ZNF366: variants seen among roughly 807,000 people sequenced by gnomAD.
The protein encoded by ZNF366 is zinc finger protein 366, also known as dendritic cell-specific transcript protein.
A neutral mutation model predicts 47.2 loss-of-function variants in ZNF366; 20 were observed. The observed-to-expected ratio is 0.42, with a 90% CI of 0.30 to 0.62. The LOEUF (loss-of-function observed/expected upper bound fraction) is 0.62, where lower values mean the gene tolerates loss of function less well. Ranked by LOEUF, ZNF366 falls within the 20% of genes least tolerant of loss-of-function variation. ZNF366 has a pLI of 0.16. For synonymous variants in ZNF366, 421 were observed against 395.1 expected, an observed-to-expected ratio of 1.07 and a Z score of -0.78; for missense variants, 987 against 976.3, an observed-to-expected ratio of 1.01 and a Z score of -0.15.
chr5:72,460,127 C>T (rs1743269291), intron 2 of ZNF366, 38 bp downstream of exon 2: 3 of 1,596,516 alleles, frequency 1.9e-6, no homozygotes, highest in Non-Finnish European at 1.7e-6. Context: ...GCTCCTCTTC[C>T]CAAGGCCCCG....
At position 72,440,470 on chromosome 5, in the gene ZNF366, G is replaced by A. The variant is rs1180521702; in HGVS notation, c.*3286C>T. 1 of 152,220 alleles carries A rather than the reference G, an allele frequency of 6.6e-6. No homozygotes were observed. The highest frequency in any genetic ancestry group is 2.4e-5 in the African/African-American group (1 of 41,454). 9.4% of individuals were successfully genotyped at this position (152,220 alleles called of 1,614,324 possible). ...GTGGTCAAAAGGCTGGAAAGCATTT[G>A]GTAGTGACCTATTTTCAGAGTCTCA... On this transcript the variant is annotated 3_prime_UTR_variant, in exon 5 of 5. Transcript: ENST00000318442.
intron 3 of ZNF366, among the ~76,000 whole-genome samples, chr5:72,455,589 G>C (rs1435479987): frequency 6.6e-6 from 1 of 152,194 alleles, no homozygotes; most frequent in Non-Finnish European, 1.5e-5. Flanking sequence ...AGTAGAGAGA[G>C]GAAACACTCT....
At chr5:72,449,664 A>G (rs997884460) in intron 3 of ZNF366, among the ~76,000 whole-genome samples, 34 of 152,212 alleles carry the variant, frequency 2.2e-4, no homozygotes, top group African/African-American at 8.0e-4. Flanking sequence ...TGCTGTTACA[A>G]TTGCTGAGTA....
chr5:72,452,103 C>A (rs1743084842), intron 3 of ZNF366, among the ~76,000 whole-genome samples: 1 of 152,248 alleles, frequency 6.6e-6, no homozygotes, highest in African/African-American at 2.4e-5. Context: ...AAATGAGATG[C>A]ACCAGGAAGC....
At chr5:72,476,935 T>A (rs779946718) in intron 1 of ZNF366, among the ~76,000 whole-genome samples, 4 of 145,740 alleles carry the variant, frequency 2.7e-5, no homozygotes, top group African/African-American at 5.2e-5. Flanking sequence ...GGCTGTGGGA[T>A]TTTTTTTTTT....
Position 72,461,386 on chromosome 5 carries a change from C to G in ZNF366, c.111G>C (p.Lys37Asn). 3 of 1,613,814 alleles carry G rather than the reference C, an allele frequency of 1.9e-6. No homozygotes were observed. The highest frequency in any genetic ancestry group is 2.5e-6 in the Non-Finnish European group (3 of 1,179,842). The change falls in exon 2 of 5, where the codon AAG becomes AAC. Residue 37 changes from lysine (K) to asparagine (N), a missense_variant. Lys to Asn is a moderately conservative substitution (Grantham distance 94). Transcript: ENST00000318442. ...HCLQPVASRG[K>N]APQRHPFPEA... ...CCGGGAAGGGGTGTCTTTGGGGAGC[C>G]TTTCCCCGAGAAGCCACTGGCTGCA...
rs757770963 is a variant in ZNF366 at position 72,460,406 on chromosome 5, T to G, written c.1091A>C (p.Glu364Ala). The G allele has an allele frequency of 6.2e-7, 1 of 1,614,242 alleles. No individual in the cohort carries two copies. The change falls in exon 2 of 5, where the codon GAG becomes GCG. Residue 364 changes from glutamate to alanine, a missense_variant. This residue lies in a region of ZNF366 where 591 missense variants were observed against 560.9 expected (regional missense o/e 1.05). Transcript: ENST00000318442. Reference protein sequence around the residue: ...AHEAKHASGRENICVECGLDF... With the variant: ...AHEAKHASGRANICVECGLDF... ...GAGGCCGCACTCCACACAGATGTTC[T>G]CGCGCCCACTGGCGTGCTTGGCTTC... is the stretch of plus-strand genomic sequence containing the variant.
intron 1 of ZNF366, among the ~76,000 whole-genome samples, chr5:72,481,885 A>G: frequency 6.6e-6 from 1 of 152,218 alleles, no homozygotes; most frequent in East Asian, 1.9e-4. Flanking sequence ...AGAATTAATT[A>G]TAGAATGTTT....
chr5:72,443,573 T>A lies in ZNF366; in HGVS notation c.*183A>T, dbSNP rs531371029. ...GAAGACCCTGCACATGTGTGAAGGG[T>A]ATCAAGGGCCCCGTGAATGACCTGA... is the stretch of plus-strand genomic sequence containing the variant. On this transcript the variant is annotated 3_prime_UTR_variant, in exon 5 of 5. Transcript: ENST00000318442. 1.6e-6 allele frequency: 1 copy of A among 638,406 alleles called. No homozygotes were observed. The highest frequency in any genetic ancestry group is 2.0e-5 in the South Asian group (1 of 49,004). The allele number at this position is 638,406 out of a possible 1,614,324, so 39.5% of individuals were successfully genotyped here. A position where few individuals can be genotyped will look rare whatever the true frequency, so the allele number is the denominator to read the frequency against.
rs141971916 is a variant in ZNF366, at chr5:72,465,626, A to G, written c.-14-4116T>C. Among the ~76,000 whole-genome samples the G allele has an allele frequency of 8.1e-3, 1,230 of 152,294 alleles. 4 individuals are homozygous for G. The highest frequency in any genetic ancestry group is 0.02 in the Middle Eastern group (6 of 294). ...GCAATCTGGTTAAGAGACCCAAAACATGAGGAGGTGGGGCAAGCCCTCCTC... is the reference window on the plus strand; with the variant it reads ...GCAATCTGGTTAAGAGACCCAAAACGTGAGGAGGTGGGGCAAGCCCTCCTC... On this transcript the variant is annotated intron_variant, in intron 1 of 4. Coordinates refer to ENST00000318442, the MANE Select transcript of ZNF366 (RefSeq NM_152625.3).
chr5:72,475,895 A>G (rs1018405537), intron 1 of ZNF366, among the ~76,000 whole-genome samples: 6 of 152,258 alleles, frequency 3.9e-5, no homozygotes, highest in Non-Finnish European at 8.8e-5. Context: ...CCATGCCGTC[A>G]TGAACAAGGA....
intron 1 of ZNF366, among the ~76,000 whole-genome samples, chr5:72,497,767 A>G (rs1386648489): frequency 6.6e-6 from 1 of 152,192 alleles, no homozygotes; most frequent in Non-Finnish European, 1.5e-5. Flanking sequence ...CCCAGAGATA[A>G]GTGTGTTAAC....
Position 72,442,017 on chromosome 5 carries a change from A to G in ZNF366, c.*1739T>C, listed in dbSNP as rs1260281807. 2 of 146,510 alleles carry G rather than the reference A, an allele frequency of 1.4e-5. No individual in the cohort carries two copies. Among genetic ancestry groups the G allele is most frequent in the African/African-American group, 5.1e-5 (2 of 39,188 alleles). The allele number at this position is 146,510 out of a possible 1,614,324, so 9.1% of individuals were successfully genotyped here. The stretch of plus-strand genomic sequence containing the variant: ...CATCATGGTTCAAGCATCTGGGAAG[A>G]AATAATGAGTCACCATAGGCCAGTC... On this transcript the variant is annotated 3_prime_UTR_variant, in exon 5 of 5. Transcript: ENST00000318442.
intron 4 of ZNF366, 89 bp from the exon 5 acceptor site, chr5:72,444,380 T>G: frequency 7.4e-7 from 1 of 1,356,148 alleles, no homozygotes. Flanking sequence ...GGCCGTTTAA[T>G]GTATTCCGAT....
chr5:72,473,061 G>A (rs150612870), intron 1 of ZNF366, among the ~76,000 whole-genome samples: 9 of 152,160 alleles, frequency 5.9e-5, no homozygotes, highest in Non-Finnish European at 1.0e-4. Flanking sequence ...TTTCTGCGTT[G>A]TCACTATCTT....
rs2112324089 is a variant in ZNF366 at position 72,456,526 on chromosome 5, C to T, written c.1402G>A (p.Val468Met). The T allele has an allele frequency of 5.6e-6, 9 of 1,613,458 alleles. No individual in the cohort carries two copies. The highest frequency in any genetic ancestry group is 7.6e-6 in the Non-Finnish European group (9 of 1,179,572). ...GCGCGGATGTTGGTGTGGATCAGCA[C>T]GTGTCGCTTCATGTTGGCCAGCAGG... ...FTLLANMKRHVLIHTNIRAYQ... is the reference protein window; with the variant it reads ...FTLLANMKRHMLIHTNIRAYQ... The change falls in exon 3 of 5, where the codon GTG becomes ATG. Residue 468 changes from valine (V) to methionine (M), a missense_variant. Transcript: ENST00000318442.
intron 1 of ZNF366, among the ~76,000 whole-genome samples, chr5:72,471,575 C>G (rs1017215037): frequency 6.6e-6 from 1 of 152,118 alleles, no homozygotes; most frequent in Non-Finnish European, 1.5e-5. Flanking sequence ...ATGGAGGGGC[C>G]GTTCCCATCA....
At chr5:72,494,984 C>T (rs1744083565) in intron 1 of ZNF366, among the ~76,000 whole-genome samples, 1 of 152,132 alleles carries the variant, frequency 6.6e-6, no homozygotes, top group African/African-American at 2.4e-5. Context: ...AGTTTTACGG[C>T]TTGCCTTCAC....
Position 72,444,255 on chromosome 5 carries a change from G to T in ZNF366, c.1736C>A (p.Ala579Asp), listed in dbSNP as rs776345202. The T allele has an allele frequency of 2.5e-6, 4 of 1,613,340 alleles. No homozygotes were observed. The highest frequency in any genetic ancestry group is 3.4e-6 in the Non-Finnish European group (4 of 1,179,912). The change falls in exon 5 of 5, where the codon GCC becomes GAC. Residue 579 changes from alanine to aspartate, a missense_variant. Transcript: ENST00000318442. ...CTGCTCCAGACTCCTCAGGACACCG[G>T]CTGTCTGTGCCAGGGCGATTCTCCC... ...GRGRIALAQT[A>D]GVLRSLEQEE...
Sources: allele counts gnomAD v4.1 joint callset (sites outside exome capture counted in the v4.1 genomes callset), GRCh38; gene constraint gnomAD v4.1.1; regional missense constraint gnomAD v4.1.1; transcripts MANE v1.5; gene names NCBI Gene and HGNC (gene_info 2026-07-23, HGNC 2026-07-21).